Variants in CDH13 observed in about 807,000 individuals in gnomAD.
CDH13 encodes cadherin 13.
CDH13 carries 24 observed loss-of-function variants against 63.8 expected under a neutral mutation model. The observed-to-expected ratio is 0.38, with a 90% CI of 0.27 to 0.53. The LOEUF (loss-of-function observed/expected upper bound fraction) is 0.53. Among genes scored for constraint, CDH13 ranks in the 20% least tolerant of loss-of-function variants. CDH13 has a pLI of 0.85. For missense variants in CDH13, 1,049 were observed against 903.1 expected, an observed-to-expected ratio of 1.16 and a Z score of -2.07; for synonymous variants, 503 against 355.3, an observed-to-expected ratio of 1.42 and a Z score of -4.67.
Position 83,121,989 on chromosome 16 carries a change from C to T in CDH13, c.367-3396C>T, listed in dbSNP as rs551738345. ...ACACACACACACACACACACACACACACACACTTTTATGGGGCCTTGGGGC... is the reference window on the plus strand; with the variant it reads ...ACACACACACACACACACACACACATACACACTTTTATGGGGCCTTGGGGC... On this transcript the variant is annotated intron_variant, in intron 3 of 13. Transcript: ENST00000567109. 1.4e-4 allele frequency among the ~76,000 whole-genome samples: 21 copies of T among 151,936 alleles called. No individual in the cohort carries two copies. The South Asian group carries it at 4.4e-3, about 32-fold the overall frequency.
chr16:82,754,136 A>G (rs1274390082), intron 1 of CDH13, among the ~76,000 whole-genome samples: 1 of 151,772 alleles, frequency 6.6e-6, no homozygotes, highest in African/African-American at 2.4e-5. Context: ...CAGGGCAGAA[A>G]CTCCTTAATA....
At chr16:82,865,676 T>A (rs955539110) in intron 2 of CDH13, among the ~76,000 whole-genome samples, 2 of 152,224 alleles carry the variant, frequency 1.3e-5, no homozygotes, top group Non-Finnish European at 2.9e-5. Flanking sequence ...CTTGAAGACC[T>A]CTGAGATGCC....
intron 1 of CDH13, among the ~76,000 whole-genome samples, chr16:82,728,019 C>A (rs999008465): frequency 1.3e-5 from 2 of 152,102 alleles, no homozygotes; most frequent in African/African-American, 2.4e-5. Flanking sequence ...TTACTCAAAC[C>A]CTTGGGAAAG....
chr16:83,511,126 ATG>A (rs1345068334), intron 7 of CDH13, among the ~76,000 whole-genome samples: 2 of 130,552 alleles, frequency 1.5e-5, no homozygotes, highest in Admixed American at 7.4e-5. Flanking sequence ...ACACATGCAC[ATG>A]TGCACACATG....
chr16:83,654,244 G>C (rs1412506941), intron 8 of CDH13, among the ~76,000 whole-genome samples: 2 of 151,730 alleles, frequency 1.3e-5, no homozygotes, highest in Non-Finnish European at 2.9e-5. Flanking sequence ...AATTAAAAAT[G>C]GCAAAAAATT....
intron 7 of CDH13, among the ~76,000 whole-genome samples, chr16:83,576,380 G>T (rs192004974): frequency 3.0e-4 from 46 of 152,286 alleles, no homozygotes; most frequent in Non-Finnish European, 5.9e-4. Flanking sequence ...TCTTGTATGG[G>T]TGGAGCACAT....
At chr16:82,985,876 C>G (rs1910872531) in intron 2 of CDH13, among the ~76,000 whole-genome samples, 1 of 152,064 alleles carries the variant, frequency 6.6e-6, no homozygotes, top group Non-Finnish European at 1.5e-5. Flanking sequence ...TAGCACCTCC[C>G]TCTTTGCTCT....
At chr16:83,055,428 C>T (rs2030822167) in intron 3 of CDH13, among the ~76,000 whole-genome samples, 2 of 150,650 alleles carry the variant, frequency 1.3e-5, no homozygotes, top group East Asian at 1.9e-4. Flanking sequence ...CAAATGGAGA[C>T]AGCACTAGAG....
At chr16:83,469,827 C>T (rs1157502180) in intron 6 of CDH13, among the ~76,000 whole-genome samples, 3 of 152,210 alleles carry the variant, frequency 2.0e-5, no homozygotes. Context: ...CATCAAAGCA[C>T]ATCTCATATT....
intron 10 of CDH13, among the ~76,000 whole-genome samples, chr16:83,731,980 T>TG (rs1395322738): frequency 6.6e-6 from 1 of 152,252 alleles, no homozygotes; most frequent in Non-Finnish European, 1.5e-5. Flanking sequence ...GTAAATGTTT[T>TG]GGACAGGCTA....
chr16:82,968,558 C>T (rs1202999471), intron 2 of CDH13, among the ~76,000 whole-genome samples: 2 of 152,096 alleles, frequency 1.3e-5, no homozygotes, highest in African/African-American at 4.8e-5. Flanking sequence ...TTTGGTTTCT[C>T]TCCACTTTTT....
chr16:83,220,037 G>C (rs758884240), intron 5 of CDH13, among the ~76,000 whole-genome samples: 8 of 152,200 alleles, frequency 5.3e-5, no homozygotes, highest in South Asian at 2.1e-4. Flanking sequence ...TCTTACACAA[G>C]TACTTGGGTT....
chr16:83,656,602 G>T (rs1037554027), intron 8 of CDH13, among the ~76,000 whole-genome samples: 4 of 152,200 alleles, frequency 2.6e-5, no homozygotes, highest in Non-Finnish European at 5.9e-5. Flanking sequence ...AAGTCAACCA[G>T]ATCCAGGCAT....
At chr16:83,379,567 C>T (rs188048723) in intron 6 of CDH13, among the ~76,000 whole-genome samples, 1 of 152,250 alleles carries the variant, frequency 6.6e-6, no homozygotes, top group Non-Finnish European at 1.5e-5. Context: ...CCATGGTATG[C>T]ACAACTTGAT....
At chr16:82,729,886 G>C (rs1489372590) in intron 1 of CDH13, among the ~76,000 whole-genome samples, 1 of 152,184 alleles carries the variant, frequency 6.6e-6, no homozygotes, top group East Asian at 1.9e-4. Flanking sequence ...CTCTACATCA[G>C]CTCTTGCTGC....
At chr16:82,865,506 C>T (rs1311456565) in intron 2 of CDH13, among the ~76,000 whole-genome samples, 3 of 152,238 alleles carry the variant, frequency 2.0e-5, no homozygotes, top group Non-Finnish European at 2.9e-5. Flanking sequence ...GGCTTGCACC[C>T]TCTGAAACAA....
In CDH13 at chr16:83,525,919, C is replaced by T. The variant is rs889668408; in HGVS notation, c.960+39264C>T. ...CACAAACCAAGGAACATGGGCAGTC[C>T]CAAGAAGCTGGAAAAAGTGAAGAAA... On this transcript the variant is annotated intron_variant, in intron 7 of 13. Coordinates refer to ENST00000567109, the MANE Select transcript of CDH13 (RefSeq NM_001257.5). Among the ~76,000 whole-genome samples the T allele has an allele frequency of 3.3e-5, 5 of 152,072 alleles. No homozygotes were observed. In the East Asian group the frequency reaches 5.8e-4, roughly 18 times the overall value.
intron 3 of CDH13, among the ~76,000 whole-genome samples, chr16:83,076,044 G>A (rs2032810698): frequency 6.6e-6 from 1 of 152,168 alleles, no homozygotes; most frequent in Non-Finnish European, 1.5e-5. Context: ...CTGACAAATG[G>A]CAGAGCCAGA....
chr16:83,373,159 C>A (rs528342781), intron 6 of CDH13, among the ~76,000 whole-genome samples: 1 of 152,168 alleles, frequency 6.6e-6, no homozygotes, highest in African/African-American at 2.4e-5. Context: ...ATATTGAAAA[C>A]GTTTGCCGTG....
Sources: gnomAD v4.1 joint callset for allele counts (sites outside exome capture counted in the v4.1 genomes callset) on GRCh38, gnomAD v4.1.1 for gene constraint, MANE v1.5 for transcripts, NCBI Gene and HGNC (gene_info 2026-07-23, HGNC 2026-07-21) for gene names.